MYO6: variants seen among roughly 807,000 people sequenced by gnomAD.
MYO6 encodes unconventional myosin-VI.
A neutral mutation model predicts 178.7 loss-of-function variants in MYO6; 74 were observed. That is an observed-to-expected ratio of 0.41 (90% CI 0.34 to 0.50). The LOEUF is 0.50. Among genes scored for constraint, MYO6 ranks in the 20% least tolerant of loss-of-function variants. MYO6 has a pLI of 0.09. For missense variants in MYO6, 1,330 were observed against 1,547.4 expected, an observed-to-expected ratio of 0.86 and a Z score of 2.36; for synonymous variants, 477 against 504.6, an observed-to-expected ratio of 0.95 and a Z score of 0.73.
intron 1 of MYO6, among the ~76,000 whole-genome samples, chr6:75,804,252 G>T (rs1475627176): frequency 1.3e-5 from 2 of 152,194 alleles, no homozygotes; most frequent in Non-Finnish European, 2.9e-5. Flanking sequence ...CTTGATAAAA[G>T]ATTGTGCTAG....
intron 1 of MYO6, among the ~76,000 whole-genome samples, chr6:75,775,174 C>T (rs1370998057): frequency 7.2e-5 from 11 of 152,070 alleles, no homozygotes; most frequent in Non-Finnish European, 4.4e-5. Flanking sequence ...TTTGCAGTGC[C>T]AGTAGTCCCA....
intron 27 of MYO6, among the ~76,000 whole-genome samples, chr6:75,891,925 A>G (rs1778932310): frequency 6.6e-6 from 1 of 152,224 alleles, no homozygotes; most frequent in South Asian, 2.1e-4. Flanking sequence ...CAGTTAATAC[A>G]TGTTAAAGCA....
intron 9 of MYO6, among the ~76,000 whole-genome samples, chr6:75,842,885 C>T (rs909378054): frequency 1.1e-4 from 16 of 152,058 alleles, no homozygotes; most frequent in Admixed American, 9.8e-4. Context: ...TTTCCTGGTA[C>T]AATGGCAGGC....
intron 1 of MYO6, among the ~76,000 whole-genome samples, chr6:75,812,660 G>T (rs995090244): frequency 5.4e-5 from 8 of 148,836 alleles, no homozygotes; most frequent in South Asian, 2.1e-4. Flanking sequence ...AATTGTTTCA[G>T]TTTTTTTTTT....
intron 1 of MYO6, among the ~76,000 whole-genome samples, chr6:75,801,153 A>T (rs1337766935): frequency 1.3e-5 from 2 of 152,200 alleles, no homozygotes; most frequent in Non-Finnish European, 2.9e-5. Flanking sequence ...AGACTGGGTC[A>T]TTTATAAAGG....
chr6:75,831,509 A>G (rs1257339626), intron 5 of MYO6, among the ~76,000 whole-genome samples: 4 of 152,240 alleles, frequency 2.6e-5, no homozygotes, highest in Admixed American at 6.5e-5. Context: ...ACGAGCAAAC[A>G]TCACTGGAGA....
At chr6:75,870,892 CTATT>C (rs1777090678) in intron 19 of MYO6, among the ~76,000 whole-genome samples, 1 of 151,738 alleles carries the variant, frequency 6.6e-6, no homozygotes. Flanking sequence ...GAATTCTTGA[CTATT>C]TAAAAATTAA....
chr6:75,878,305 T>C, intron 20 of MYO6, among the ~76,000 whole-genome samples: 1 of 152,162 alleles, frequency 6.6e-6, no homozygotes, highest in East Asian at 1.9e-4. Flanking sequence ...GAGATTTTAG[T>C]TTTTTTCTGG....
At chr6:75,873,101 G>T in intron 19 of MYO6, 106 bp from the exon 20 acceptor site, 1 of 882,436 alleles carries the variant, frequency 1.1e-6, no homozygotes. Flanking sequence ...ACTTTTACAG[G>T]TTCATATGTT....
chr6:75,904,667 G>T (rs1562309721), intron 30 of MYO6, among the ~76,000 whole-genome samples: 1 of 152,100 alleles, frequency 6.6e-6, no homozygotes, highest in East Asian at 1.9e-4. Context: ...TTTGCCTTTG[G>T]TTTGAATGTC....
At chr6:75,790,153 GT>G (rs1768079668) in intron 1 of MYO6, among the ~76,000 whole-genome samples, 1 of 152,056 alleles carries the variant, frequency 6.6e-6, no homozygotes, top group African/African-American at 2.4e-5. Context: ...ACTTTTGATT[GT>G]TTTCTTAAGG....
intron 2 of MYO6, among the ~76,000 whole-genome samples, chr6:75,820,696 A>G (rs1771779503): frequency 6.6e-6 from 1 of 151,880 alleles, no homozygotes; most frequent in Non-Finnish European, 1.5e-5. Flanking sequence ...TTGCTTAGAA[A>G]CTACTTATTT....
chr6:75,805,135 G>A (rs938495648), intron 1 of MYO6, among the ~76,000 whole-genome samples: 6 of 145,718 alleles, frequency 4.1e-5, no homozygotes, highest in Non-Finnish European at 8.9e-5. Context: ...AGTGATTCTC[G>A]TGCCTCAGCC....
chr6:75,753,455 G>GTGTGTATATATATATATATATATATATA (rs370647728), intron 1 of MYO6, among the ~76,000 whole-genome samples: 2 of 140,036 alleles, frequency 1.4e-5, no homozygotes, highest in African/African-American at 5.4e-5. Flanking sequence ...GTGTGTGTGT[G>GTGTGTATATATATATATATATATATATA]TATATATATA....
intron 2 of MYO6, 115 bp downstream of exon 2, chr6:75,817,779 G>A (rs1262823414): frequency 3.3e-6 from 3 of 921,938 alleles, no homozygotes; most frequent in Non-Finnish European, 5.2e-6. Flanking sequence ...GCATATTTCT[G>A]GTAAGTGAGT....
At chr6:75,804,963 A>G (rs890537299) in intron 1 of MYO6, among the ~76,000 whole-genome samples, 1 of 144,874 alleles carries the variant, frequency 6.9e-6, no homozygotes, top group East Asian at 2.0e-4. Flanking sequence ...GTACACATAT[A>G]TACACATATA....
chr6:75,804,944 T>C (rs1206698738), intron 1 of MYO6, among the ~76,000 whole-genome samples: 1 of 145,452 alleles, frequency 6.9e-6, no homozygotes, highest in African/African-American at 2.6e-5. Flanking sequence ...TATACATATA[T>C]ACACATATGT....
intron 1 of MYO6, among the ~76,000 whole-genome samples, chr6:75,750,509 C>G (rs1210774666): frequency 1.3e-5 from 2 of 149,850 alleles, no homozygotes; most frequent in East Asian, 3.9e-4. Context: ...ATAGACTTAA[C>G]TGTACGGGCT....
At chr6:75,804,384 C>A (rs541362148) in intron 1 of MYO6, among the ~76,000 whole-genome samples, 2 of 152,060 alleles carry the variant, frequency 1.3e-5, no homozygotes, top group Non-Finnish European at 2.9e-5. Context: ...GAGGAGTTGC[C>A]GGTTTAAAAC....
Sources: gnomAD v4.1 joint callset for allele counts (sites outside exome capture counted in the v4.1 genomes callset) on GRCh38, gnomAD v4.1.1 for gene constraint, MANE v1.5 for transcripts, NCBI Gene and HGNC (gene_info 2026-07-23, HGNC 2026-07-21) for gene names.